Variants in DGKB observed in about 807,000 individuals in gnomAD.
DGKB encodes the protein diacylglycerol kinase beta, also known as 90 kDa diacylglycerol kinase.
A neutral mutation model predicts 114.3 loss-of-function variants in DGKB; 67 were observed. The observed-to-expected ratio is 0.59, with a 90% CI of 0.48 to 0.72. The LOEUF (loss-of-function observed/expected upper bound fraction) is 0.72. DGKB is among the 30% of genes least tolerant of loss of function. The pLI is 0.00. For synonymous variants in DGKB, 398 were observed against 323.1 expected (o/e 1.23, Z -2.49); for missense variants, 907 against 975.2 (o/e 0.93, Z 0.93).
chr7:14,659,741 C>T (rs34597568), intron 13 of DGKB, among the ~76,000 whole-genome samples: 15,471 of 134,034 alleles, frequency 0.12, 1,359 homozygotes, highest in East Asian at 0.57. Flanking sequence ...TCCTGCCTAA[C>T]TGCCCTGGCC....
intron 5 of DGKB, among the ~76,000 whole-genome samples, chr7:14,731,958 A>G (rs1303002472): frequency 6.6e-6 from 1 of 152,164 alleles, no homozygotes; most frequent in Non-Finnish European, 1.5e-5. Flanking sequence ...AATAGGTGAT[A>G]AGAGGCACTT....
intron 21 of DGKB, among the ~76,000 whole-genome samples, chr7:14,424,678 G>A (rs966380353): frequency 2.6e-5 from 4 of 152,014 alleles, no homozygotes; most frequent in African/African-American, 9.7e-5. Flanking sequence ...CGGGTCTCCG[G>A]ATTCCTCAGT....
chr7:14,885,081 G>C (rs1854821195), intron 1 of DGKB, among the ~76,000 whole-genome samples: 2 of 151,918 alleles, frequency 1.3e-5, no homozygotes, highest in South Asian at 4.1e-4. Flanking sequence ...TTAGACGATT[G>C]CTGACTTGAA....
Position 14,801,925 on chromosome 7 carries a change from T to TAC in DGKB, c.70+39267_70+39268dup, listed in dbSNP as rs142456381. On this transcript the variant is annotated intron_variant, in intron 2 of 25. Coordinates refer to ENST00000402815, the MANE Select transcript of DGKB (RefSeq NM_001350709.2). Reference sequence around the variant, plus strand: ...ACACATATACACACATATATACATATACACACACACACACACACACACGCA... The same window carrying TAC: ...ACACATATACACACATATATACATATACACACACACACACACACACACACGCA... Among the ~76,000 whole-genome samples the TAC allele has an allele frequency of 8.2e-3, 1,221 of 148,018 alleles. 8 individuals are homozygous for TAC. Among genetic ancestry groups the TAC allele is most frequent in the Middle Eastern group, 0.028 (8 of 284 alleles).
chr7:14,555,810 C>G (rs181859364), intron 20 of DGKB, among the ~76,000 whole-genome samples: 1 of 152,266 alleles, frequency 6.6e-6, no homozygotes, highest in East Asian at 1.9e-4. Flanking sequence ...GCTACACACC[C>G]GCCAGCACCA....
intron 23 of DGKB, among the ~76,000 whole-genome samples, chr7:14,216,883 C>T (rs1789070197): frequency 1.3e-5 from 2 of 152,024 alleles, no homozygotes; most frequent in Non-Finnish European, 2.9e-5. Context: ...TCACTGTCTT[C>T]AGTAGATAGA....
intron 23 of DGKB, among the ~76,000 whole-genome samples, chr7:14,205,621 T>C (rs1253910180): frequency 3.3e-5 from 5 of 152,022 alleles, no homozygotes; most frequent in African/African-American, 1.2e-4. Context: ...TCAGACAACA[T>C]TGGGCCAACT....
At chr7:14,491,211 T>G (rs1310122929) in intron 20 of DGKB, among the ~76,000 whole-genome samples, 1 of 152,076 alleles carries the variant, frequency 6.6e-6, no homozygotes, top group Non-Finnish European at 1.5e-5. Flanking sequence ...GGAGATAATT[T>G]AATCATGGGG....
At chr7:14,635,375 A>G (rs1810543141) in intron 13 of DGKB, among the ~76,000 whole-genome samples, 2 of 151,338 alleles carry the variant, frequency 1.3e-5, no homozygotes, top group South Asian at 2.1e-4. Flanking sequence ...ATTATGGAGG[A>G]GGGTAGAAAA....
At chr7:14,326,095 T>A (rs1378026462) in intron 23 of DGKB, among the ~76,000 whole-genome samples, 2 of 151,174 alleles carry the variant, frequency 1.3e-5, no homozygotes, top group Non-Finnish European at 1.5e-5. Context: ...ACCATACAAC[T>A]TATTGTATTC....
At chr7:14,472,103 A>T (rs922897379) in intron 21 of DGKB, among the ~76,000 whole-genome samples, 3 of 152,212 alleles carry the variant, frequency 2.0e-5, no homozygotes, top group Non-Finnish European at 4.4e-5. Flanking sequence ...GGTGTTACAC[A>T]TTAAGAATTT....
At chr7:14,643,206 A>G (rs1361365593) in intron 13 of DGKB, among the ~76,000 whole-genome samples, 3 of 152,172 alleles carry the variant, frequency 2.0e-5, no homozygotes, top group Non-Finnish European at 4.4e-5. Flanking sequence ...GAGACTCTCC[A>G]TTGCAGGAAA....
At chr7:14,444,663 G>A (rs1830501904) in intron 21 of DGKB, among the ~76,000 whole-genome samples, 1 of 151,832 alleles carries the variant, frequency 6.6e-6, no homozygotes, top group Non-Finnish European at 1.5e-5. Context: ...ATATCAGTCA[G>A]ACATTTTTAT....
intron 23 of DGKB, among the ~76,000 whole-genome samples, chr7:14,270,289 A>G (rs984466167): frequency 1.3e-5 from 2 of 151,976 alleles, no homozygotes; most frequent in South Asian, 2.1e-4. Context: ...CTCCTAACCA[A>G]TTTCCTCTGC....
At chr7:14,421,719 G>T (rs1826731286) in intron 21 of DGKB, among the ~76,000 whole-genome samples, 1 of 152,026 alleles carries the variant, frequency 6.6e-6, no homozygotes, top group Admixed American at 6.6e-5. Flanking sequence ...ATAAGAAAGT[G>T]ATGATAATGG....
chr7:14,297,959 C>T (rs566861189), intron 23 of DGKB, among the ~76,000 whole-genome samples: 1 of 152,022 alleles, frequency 6.6e-6, no homozygotes, highest in Non-Finnish European at 1.5e-5. Context: ...TTCACAATTG[C>T]TACAAAGGGA....
At chr7:14,323,374 T>G (rs1259279234) in intron 23 of DGKB, among the ~76,000 whole-genome samples, 1 of 152,124 alleles carries the variant, frequency 6.6e-6, no homozygotes, top group African/African-American at 2.4e-5. Context: ...CAAAATTCAT[T>G]GACGGTACAT....
chr7:14,542,242 C>T (rs1793584356), intron 20 of DGKB, among the ~76,000 whole-genome samples: 3 of 151,998 alleles, frequency 2.0e-5, no homozygotes, highest in Admixed American at 6.6e-5. Context: ...TGGTCTCAAA[C>T]TCTTGGCCTC....
chr7:14,513,736 A>C, intron 20 of DGKB, among the ~76,000 whole-genome samples: 1 of 152,022 alleles, frequency 6.6e-6, no homozygotes, highest in Non-Finnish European at 1.5e-5. Flanking sequence ...TATGTTGTTC[A>C]TCTTTGTATA....
Sources: gnomAD v4.1 joint callset for allele counts (sites outside exome capture counted in the v4.1 genomes callset) on GRCh38, gnomAD v4.1.1 for gene constraint, MANE v1.5 for transcripts, NCBI Gene and HGNC (gene_info 2026-07-23, HGNC 2026-07-21) for gene names.